BBS9: variants seen among roughly 807,000 people sequenced by gnomAD.
BBS9 encodes the protein protein PTHB1.
BBS9 carries 89 observed loss-of-function variants against 117.7 expected under a neutral mutation model. That is an observed-to-expected ratio of 0.76 (90% CI 0.64 to 0.90). The LOEUF is 0.90. BBS9 is among the 40% of genes least tolerant of loss of function. The pLI, the probability that BBS9 is intolerant of heterozygous loss-of-function variation, is 0.00. For missense variants in BBS9, 982 were observed against 1,042.2 expected (o/e 0.94, Z 0.80); for synonymous variants, 379 against 370.9 (o/e 1.02, Z -0.25).
chr7:33,218,611 G>A (rs1444838264), intron 5 of BBS9, among the ~76,000 whole-genome samples: 4 of 152,202 alleles, frequency 2.6e-5, no homozygotes, highest in African/African-American at 7.2e-5. Context: ...GATTTACCAC[G>A]GGCTTCTTCT....
intron 19 of BBS9, among the ~76,000 whole-genome samples, chr7:33,417,837 A>G (rs1332906944): frequency 6.6e-6 from 1 of 152,218 alleles, no homozygotes; most frequent in Non-Finnish European, 1.5e-5. Context: ...CAGAAAATAA[A>G]TCAGGTAATG....
At chr7:33,613,929 A>C (rs2129216590) in intron 21 of BBS9, among the ~76,000 whole-genome samples, 1 of 152,194 alleles carries the variant, frequency 6.6e-6, no homozygotes, top group Admixed American at 6.5e-5. Context: ...CTAATTTAAG[A>C]AAGAACAACC....
At chr7:33,390,660 T>A (rs1826907852) in intron 19 of BBS9, 3 of 906,346 alleles carry the variant, frequency 3.3e-6, no homozygotes, top group Non-Finnish European at 4.0e-6. Context: ...GTTTAGTCAG[T>A]TTTTTAATGA....
intron 21 of BBS9, 109 bp downstream of exon 21, chr7:33,534,285 C>A: frequency 8.4e-7 from 1 of 1,191,140 alleles, no homozygotes; most frequent in Non-Finnish European, 1.2e-6. Context: ...GTGATGATAG[C>A]CAAGAAAATT....
intron 18 of BBS9, among the ~76,000 whole-genome samples, chr7:33,387,506 G>GT (rs548492229): frequency 5.1e-4 from 78 of 151,468 alleles, no homozygotes; most frequent in South Asian, 2.7e-3. Context: ...AAATGTTTTT[G>GT]TTTTTTTTAG....
chr7:33,399,773 T>C (rs953766812), intron 19 of BBS9, among the ~76,000 whole-genome samples: 4 of 152,186 alleles, frequency 2.6e-5, no homozygotes, highest in African/African-American at 9.7e-5. Flanking sequence ...ATGTAAGTTA[T>C]AGGGCTTTGT....
intron 16 of BBS9, among the ~76,000 whole-genome samples, chr7:33,359,095 T>G (rs76510424): frequency 0.022 from 3,337 of 152,004 alleles, 62 homozygotes; most frequent in Non-Finnish European, 0.031. Context: ...TTTTACCTCC[T>G]TATTTTTTAG....
chr7:33,167,899 A>G (rs1039686174), intron 4 of BBS9, among the ~76,000 whole-genome samples: 2 of 152,212 alleles, frequency 1.3e-5, no homozygotes, highest in Non-Finnish European at 2.9e-5. Flanking sequence ...ATAACTTTAA[A>G]TGATTATAAA....
intron 19 of BBS9, among the ~76,000 whole-genome samples, chr7:33,406,223 C>G (rs1368779136): frequency 1.3e-5 from 2 of 152,054 alleles, no homozygotes; most frequent in Non-Finnish European, 2.9e-5. Flanking sequence ...GTTATAATTT[C>G]TGTTCTTTTA....
At chr7:33,444,900 G>A (rs972073511) in intron 19 of BBS9, among the ~76,000 whole-genome samples, 5 of 152,252 alleles carry the variant, frequency 3.3e-5, no homozygotes, top group South Asian at 2.1e-4. Flanking sequence ...AAAATTTTGC[G>A]AAAGCTCTTA....
At position 33,465,986 on chromosome 7, in the gene BBS9, T is replaced by G. The variant is rs138871870; in HGVS notation, c.2116-39477T>G. Among the ~76,000 whole-genome samples the G allele has an allele frequency of 1.9e-3, 287 of 152,278 alleles. 8 individuals carry two copies. In the East Asian group the frequency reaches 0.044, roughly 24 times the overall value. On this transcript the variant is annotated intron_variant, in intron 19 of 22. Transcript: ENST00000242067. Reference sequence around the variant, plus strand: ...TTTAACTAGCAGTAGTGGTAGTCTTTGTCCCCCAGCTTTATTGAAGTGTAC... The same window carrying G: ...TTTAACTAGCAGTAGTGGTAGTCTTGGTCCCCCAGCTTTATTGAAGTGTAC...
intron 19 of BBS9, among the ~76,000 whole-genome samples, chr7:33,488,803 T>C (rs539763086): frequency 6.6e-6 from 1 of 152,280 alleles, no homozygotes; most frequent in Admixed American, 6.5e-5. Flanking sequence ...GCAAAACTTA[T>C]CTCCTCTCAG....
intron 19 of BBS9, among the ~76,000 whole-genome samples, chr7:33,497,269 G>C (rs1325533985): frequency 6.6e-6 from 1 of 152,176 alleles, no homozygotes; most frequent in Admixed American, 6.6e-5. Flanking sequence ...CATTCAAATT[G>C]GGAGCCTGAC....
At chr7:33,465,878 C>A (rs1313232928) in intron 19 of BBS9, among the ~76,000 whole-genome samples, 2 of 152,070 alleles carry the variant, frequency 1.3e-5, no homozygotes, top group African/African-American at 4.8e-5. Flanking sequence ...AATACCCTTT[C>A]TAGCAATAAA....
chr7:33,178,841 G>C (rs999471731), intron 5 of BBS9, among the ~76,000 whole-genome samples: 1 of 151,884 alleles, frequency 6.6e-6, no homozygotes, highest in Non-Finnish European at 1.5e-5. Context: ...GGTATACCAA[G>C]CAGCATCAGG....
intron 19 of BBS9, among the ~76,000 whole-genome samples, chr7:33,434,158 T>G (rs1834938577): frequency 6.6e-6 from 1 of 151,960 alleles, no homozygotes; most frequent in Non-Finnish European, 1.5e-5. Flanking sequence ...CTCTGGTTAT[T>G]TCCATAGGAT....
chr7:33,425,309 TATG>T (rs1833496785), intron 19 of BBS9, among the ~76,000 whole-genome samples: 1 of 152,204 alleles, frequency 6.6e-6, no homozygotes, highest in Admixed American at 6.5e-5. Context: ...TATTTTAAAG[TATG>T]ATGATAATAC....
In BBS9 at chr7:33,603,119, A is replaced by T. The variant is rs368459945; in HGVS notation, c.2522-1746A>T. Among the ~76,000 whole-genome samples, 11 of 152,274 alleles carry T rather than the reference A, an allele frequency of 7.2e-5. No individual in the cohort carries two copies. The East Asian group carries it at 2.1e-3, about 29-fold the overall frequency. Reference sequence around the variant, plus strand: ...TTAACTGCTCATCAAACTCGCTCTCATCTGTTGGCTGGGGGACGTCTCTTC... The same window carrying T: ...TTAACTGCTCATCAAACTCGCTCTCTTCTGTTGGCTGGGGGACGTCTCTTC... On this transcript the variant is annotated intron_variant, in intron 21 of 22. Transcript: ENST00000242067.
At chr7:33,404,430 T>G (rs1829545156) in intron 19 of BBS9, among the ~76,000 whole-genome samples, 2 of 152,050 alleles carry the variant, frequency 1.3e-5, no homozygotes, top group African/African-American at 4.8e-5. Context: ...TAAATTACCT[T>G]GGGCAGTATG....
Sources: gnomAD v4.1 joint callset for allele counts (sites outside exome capture counted in the v4.1 genomes callset) on GRCh38, gnomAD v4.1.1 for gene constraint, MANE v1.5 for transcripts, NCBI Gene and HGNC (gene_info 2026-07-23, HGNC 2026-07-21) for gene names.